The following ARHGEF4 variants were observed in gnomAD, a reference collection of about 807,000 sequenced individuals.
The protein encoded by ARHGEF4 is APC-stimulated guanine nucleotide exchange factor 1.
ARHGEF4 carries 119 observed loss-of-function variants against 162.0 expected under a neutral mutation model. The ratio of observed to expected loss-of-function variants is 0.73; its 90% CI spans 0.63 to 0.86. The LOEUF is 0.86. Ranked by LOEUF, ARHGEF4 falls within the 40% of genes least tolerant of loss-of-function variation. The pLI, the probability that ARHGEF4 is intolerant of heterozygous loss-of-function variation, is 0.00. For missense variants in ARHGEF4, 2,488 were observed against 2,456.0 expected (o/e 1.01, Z -0.28); for synonymous variants, 1,014 against 979.9 (o/e 1.03, Z -0.65).
At chr2:131,039,372 C>A (rs1690579863) in intron 6 of ARHGEF4, 1 of 1,090,266 alleles carries the variant, frequency 9.2e-7, no homozygotes, top group Non-Finnish European at 1.1e-6. Flanking sequence ...TCACACACAG[C>A]CCCGGGAGTG....
intron 10 of ARHGEF4, among the ~76,000 whole-genome samples, chr2:131,042,667 T>G (rs958500870): frequency 6.6e-6 from 1 of 152,080 alleles, no homozygotes; most frequent in South Asian, 2.1e-4. Context: ...GGCTGAGGAA[T>G]AGGGGCAGTC....
intron 5 of ARHGEF4, chr2:131,035,491 C>T: frequency 1.3e-5 from 1 of 79,410 alleles, no homozygotes; most frequent in Non-Finnish European, 2.3e-5. Flanking sequence ...GTGGGGGCTG[C>T]GGGGGCGAGG....
At chr2:130,868,604 A>C (rs1001909742) in intron 1 of ARHGEF4, among the ~76,000 whole-genome samples, 11 of 152,172 alleles carry the variant, frequency 7.2e-5, no homozygotes, top group Middle Eastern at 3.2e-3. Context: ...GGAAAAGGCG[A>C]AATCAGGGAG....
chr2:130,967,361 G>A (rs1321560488), intron 4 of ARHGEF4, among the ~76,000 whole-genome samples: 3 of 152,202 alleles, frequency 2.0e-5, no homozygotes, highest in African/African-American at 4.8e-5. Flanking sequence ...GGCCCCTGGA[G>A]CCTCCAGCCC....
chr2:130,969,885 A>G (rs1685249321), intron 4 of ARHGEF4, among the ~76,000 whole-genome samples: 1 of 152,166 alleles, frequency 6.6e-6, no homozygotes, highest in African/African-American at 2.4e-5. Context: ...AAATGGAGTC[A>G]TATCATGTTG....
intron 1 of ARHGEF4, among the ~76,000 whole-genome samples, chr2:130,838,201 C>A (rs990572202): frequency 6.6e-6 from 1 of 152,214 alleles, no homozygotes; most frequent in Non-Finnish European, 1.5e-5. Flanking sequence ...AGGAGGTGTA[C>A]AATCTTGGGA....
chr2:130,840,271 G>A (rs1680518219), intron 1 of ARHGEF4, among the ~76,000 whole-genome samples: 1 of 152,144 alleles, frequency 6.6e-6, no homozygotes, highest in Admixed American at 6.5e-5. Context: ...TCTATACTAT[G>A]CCAAGGATTG....
chr2:130,888,655 G>A (rs1223258190), intron 1 of ARHGEF4, among the ~76,000 whole-genome samples: 3 of 152,010 alleles, frequency 2.0e-5, no homozygotes, highest in Non-Finnish European at 4.4e-5. Flanking sequence ...ATTGGTTATT[G>A]TAAAGTGTTC....
intron 5 of ARHGEF4, among the ~76,000 whole-genome samples, chr2:131,036,173 C>T (rs1690262437): frequency 6.6e-6 from 1 of 152,224 alleles, no homozygotes; most frequent in Non-Finnish European, 1.5e-5. Flanking sequence ...GGCCTCTGCC[C>T]AGAAACGCAC....
At chr2:130,893,702 A>G (rs1295680346) in intron 1 of ARHGEF4, among the ~76,000 whole-genome samples, 1 of 152,140 alleles carries the variant, frequency 6.6e-6, no homozygotes, top group East Asian at 1.9e-4. Context: ...ATGGAGTTGA[A>G]CAAGGAGGAG....
intron 1 of ARHGEF4, among the ~76,000 whole-genome samples, chr2:130,880,007 T>G (rs1385317545): frequency 2.0e-5 from 3 of 152,164 alleles, no homozygotes; most frequent in Non-Finnish European, 2.9e-5. Flanking sequence ...TGATGGCCCT[T>G]CCTTGGGTCG....
intron 1 of ARHGEF4, among the ~76,000 whole-genome samples, chr2:130,897,075 C>G (rs1470761522): frequency 1.3e-5 from 2 of 152,182 alleles, no homozygotes; most frequent in African/African-American, 4.8e-5. Flanking sequence ...GCAGTGAAAG[C>G]GTAAATGCTA....
chr2:130,969,671 C>T (rs1427643795), intron 4 of ARHGEF4, among the ~76,000 whole-genome samples: 1 of 152,042 alleles, frequency 6.6e-6, no homozygotes, highest in Non-Finnish European at 1.5e-5. Context: ...AAGTTATATA[C>T]AGTAAAAGGC....
intron 5 of ARHGEF4, among the ~76,000 whole-genome samples, chr2:131,034,096 C>A (rs754346331): frequency 2.0e-5 from 3 of 152,166 alleles, no homozygotes; most frequent in Non-Finnish European, 2.9e-5. Context: ...GCTGGCCACA[C>A]ACAGAGAGAT....
intron 4 of ARHGEF4, among the ~76,000 whole-genome samples, chr2:131,020,442 C>T (rs1300757393): frequency 4.0e-5 from 6 of 148,706 alleles, no homozygotes; most frequent in Non-Finnish European, 8.9e-5. Context: ...ATGCGGTGTT[C>T]GGTTTTTTGT....
chr2:130,900,280 G>T (rs973143149), intron 1 of ARHGEF4, among the ~76,000 whole-genome samples: 2 of 152,182 alleles, frequency 1.3e-5, no homozygotes, highest in Non-Finnish European at 2.9e-5. Flanking sequence ...CTAATAATCT[G>T]TCTAGTAGTC....
rs1573526493 is a variant in ARHGEF4, at chr2:130,985,315, C to T, written c.3985+38680C>T. Among the ~76,000 whole-genome samples the T allele has an allele frequency of 1.3e-5, 2 of 152,250 alleles. 1 individual carries two copies. Among genetic ancestry groups the T allele is most frequent in the South Asian group, 4.2e-4 (2 of 4,814 alleles). On this transcript the variant is annotated intron_variant, in intron 4 of 13. Transcript: ENST00000409359. ...GAACCACAAACAACACATTCCTGGT[C>T]AGGGAACCAAAATCTGTTACCAAAA... is the stretch of plus-strand genomic sequence containing the variant.
At chr2:130,839,509 CAG>C (rs1393834268) in intron 1 of ARHGEF4, among the ~76,000 whole-genome samples, 3 of 152,178 alleles carry the variant, frequency 2.0e-5, no homozygotes, top group Non-Finnish European at 4.4e-5. Context: ...GTACAGCACA[CAG>C]ATCTGCTTGG....
intron 4 of ARHGEF4, among the ~76,000 whole-genome samples, chr2:131,024,039 AGGTTGCTCT>A (rs1238619955): frequency 7.9e-5 from 12 of 152,132 alleles, no homozygotes; most frequent in African/African-American, 2.7e-4. Flanking sequence ...GCCTACATAC[AGGTTGCTCT>A]GGTGGCTGTG....
Sources: allele counts gnomAD v4.1 joint callset (sites outside exome capture counted in the v4.1 genomes callset), GRCh38; gene constraint gnomAD v4.1.1; transcripts MANE v1.5; gene names NCBI Gene and HGNC (gene_info 2026-07-23, HGNC 2026-07-21).